The following OPCML variants were observed in gnomAD, a reference collection of about 807,000 sequenced individuals.
OPCML encodes opioid binding protein/cell adhesion molecule like, also known as opioid-binding protein/cell adhesion molecule.
A neutral mutation model predicts 37.8 loss-of-function variants in OPCML; 13 were observed. The ratio of observed to expected loss-of-function variants is 0.34; its 90% CI spans 0.22 to 0.55. OPCML has a LOEUF of 0.55. Among genes scored for constraint, OPCML ranks in the 20% least tolerant of loss-of-function variants. OPCML has a pLI of 0.91. For missense variants in OPCML, 341 were observed against 435.6 expected (o/e 0.78, Z 1.93); for synonymous variants, 176 against 168.8 (o/e 1.04, Z -0.33).
intron 1 of OPCML, among the ~76,000 whole-genome samples, chr11:133,141,106 G>GAAGAAGAAGAAGA (rs1565469422): frequency 7.2e-6 from 1 of 138,442 alleles, no homozygotes; most frequent in African/African-American, 2.6e-5. Flanking sequence ...AGAAGAAGAA[G>GAAGAAGAAGAAGA]CAGCTGAATG....
At chr11:133,416,999 A>G (rs7126452) in intron 1 of OPCML, among the ~76,000 whole-genome samples, 2,275 of 152,248 alleles carry the variant, frequency 0.015, 44 homozygotes, top group African/African-American at 0.052. Context: ...CACAAGATTT[A>G]ATGAGCTTCT....
intron 3 of OPCML, among the ~76,000 whole-genome samples, chr11:132,535,099 T>C (rs1294468479): frequency 2.0e-5 from 3 of 149,424 alleles, no homozygotes; most frequent in Non-Finnish European, 4.4e-5. Context: ...AATAATATAG[T>C]ATAACATTAC....
intron 2 of OPCML, among the ~76,000 whole-genome samples, chr11:132,847,612 T>C (rs1001601811): frequency 2.6e-5 from 4 of 152,222 alleles, no homozygotes; most frequent in Admixed American, 2.0e-4. Context: ...AAGTCATAAT[T>C]GGATCTTCAC....
chr11:132,845,913 A>T (rs944312882), intron 2 of OPCML, among the ~76,000 whole-genome samples: 11 of 152,288 alleles, frequency 7.2e-5, no homozygotes, highest in African/African-American at 2.4e-4. Context: ...TGGCTGGGAT[A>T]CAACGAGGGT....
intron 1 of OPCML, among the ~76,000 whole-genome samples, chr11:133,368,069 C>T (rs1359691422): frequency 1.3e-5 from 2 of 152,144 alleles, no homozygotes; most frequent in Non-Finnish European, 2.9e-5. Context: ...ATATGCCCTG[C>T]CAGGGCTGGT....
At chr11:133,083,367 C>T (rs1484858669) in intron 1 of OPCML, among the ~76,000 whole-genome samples, 1 of 152,166 alleles carries the variant, frequency 6.6e-6, no homozygotes, top group Non-Finnish European at 1.5e-5. Context: ...ACTGCCCCAG[C>T]CTGAGTCCCG....
At position 132,657,230 on chromosome 11, in the gene OPCML, G is replaced by T; in HGVS notation, c.236C>A (p.Pro79His). The T allele has an allele frequency of 1.2e-6, 2 of 1,614,246 alleles. No individual in the cohort carries two copies. Among genetic ancestry groups the T allele is most frequent in the Non-Finnish European group, 1.7e-6 (2 of 1,180,048 alleles). Residue 79 changes from proline to histidine, a missense_variant, in exon 3 of 8, where the codon CCT (proline) becomes CAT (histidine). Pro to His is a moderately conservative substitution (Grantham distance 77). Coordinates refer to ENST00000524381, the MANE Select transcript of OPCML (RefSeq NM_001012393.5). ...YAGNDKWSID[P>H]RVIILVNTPT... ...TGTATTGACCAGGATGATCACACGA[G>T]GGTCTATGGACCACTTGTCATTCCC...
intron 1 of OPCML, among the ~76,000 whole-genome samples, chr11:133,352,694 T>C (rs764679966): frequency 6.6e-6 from 1 of 152,206 alleles, no homozygotes; most frequent in Non-Finnish European, 1.5e-5. Flanking sequence ...ATAAATGAAC[T>C]AATGAACAAA....
chr11:132,841,296 C>T (rs1388898964), intron 2 of OPCML, among the ~76,000 whole-genome samples: 4 of 152,136 alleles, frequency 2.6e-5, no homozygotes, highest in South Asian at 2.1e-4. Context: ...ACTGACCCCC[C>T]GGCCCCCACT....
Position 132,529,155 on chromosome 11 carries a change from G to GGAATATCTCCTCATTCACA in OPCML, c.410_411insTGTGAATGAGGAGATATTC (p.Ile138ValfsTer11). 1 of 1,612,520 alleles carries GGAATATCTCCTCATTCACA rather than the reference G, an allele frequency of 6.2e-7. No homozygotes were observed. The highest frequency in any genetic ancestry group is 1.7e-5 in the Admixed American group (1 of 59,888). On this transcript the variant is annotated frameshift_variant, in exon 4 of 8. Transcript: ENST00000524381. LOFTEE classifies it high-confidence loss of function. The stretch of plus-strand genomic sequence containing the variant: ...CACTGCTTCCCTCATTCACAGTGAT[G>GGAATATCTCCTCATTCACA]TCTGAGGAGATATTCATGATCTGAG...
chr11:132,997,078 C>A (rs11824966), intron 1 of OPCML, among the ~76,000 whole-genome samples: 14 of 152,114 alleles, frequency 9.2e-5, no homozygotes, highest in Admixed American at 3.9e-4. Flanking sequence ...ATTAAAGGAG[C>A]CTTTTACCCC....
chr11:133,125,330 CTT>C (rs1271001115), intron 1 of OPCML, among the ~76,000 whole-genome samples: 1 of 152,122 alleles, frequency 6.6e-6, no homozygotes, highest in Admixed American at 6.5e-5. Context: ...TACCAGAACT[CTT>C]TGTAATTCAG....
intron 2 of OPCML, among the ~76,000 whole-genome samples, chr11:132,774,641 C>G (rs1460021394): frequency 6.6e-6 from 1 of 152,156 alleles, no homozygotes; most frequent in Non-Finnish European, 1.5e-5. Flanking sequence ...AGGTTTATTT[C>G]CAGAAATTAG....
At chr11:132,512,711 T>C (rs895941987) in intron 4 of OPCML, among the ~76,000 whole-genome samples, 2 of 151,826 alleles carry the variant, frequency 1.3e-5, no homozygotes, top group Non-Finnish European at 2.9e-5. Flanking sequence ...AGATTATATA[T>C]ACATATAGAA....
chr11:133,304,668 G>A (rs1342441187), intron 1 of OPCML, among the ~76,000 whole-genome samples: 1 of 152,088 alleles, frequency 6.6e-6, no homozygotes, highest in African/African-American at 2.4e-5. Flanking sequence ...CCAAGCGTCT[G>A]GGCCAAGATG....
At chr11:133,052,949 C>G (rs1361046465) in intron 1 of OPCML, among the ~76,000 whole-genome samples, 1 of 152,222 alleles carries the variant, frequency 6.6e-6, no homozygotes, top group Non-Finnish European at 1.5e-5. Context: ...TTTGAGATAT[C>G]TGAATTAAAC....
At chr11:133,038,376 T>C (rs1489968244) in intron 1 of OPCML, among the ~76,000 whole-genome samples, 2 of 152,212 alleles carry the variant, frequency 1.3e-5, no homozygotes, top group Admixed American at 6.5e-5. Flanking sequence ...GGTTTCTTTA[T>C]CTATAAAATG....
intron 4 of OPCML, among the ~76,000 whole-genome samples, chr11:132,508,461 CA>C (rs35103690): frequency 1.4e-5 from 2 of 142,822 alleles, no homozygotes; most frequent in Non-Finnish European, 3.0e-5. Context: ...CAATGGATGC[CA>C]AAAAAAACAT....
chr11:132,826,423 G>A (rs1046098466), intron 2 of OPCML, among the ~76,000 whole-genome samples: 3 of 152,080 alleles, frequency 2.0e-5, no homozygotes, highest in African/African-American at 7.2e-5. Context: ...AGTTTCCTTT[G>A]AACACAAGTA....
Sources: allele counts gnomAD v4.1 joint callset (sites outside exome capture counted in the v4.1 genomes callset), GRCh38; gene constraint gnomAD v4.1.1; transcripts MANE v1.5; gene names NCBI Gene and HGNC (gene_info 2026-07-23, HGNC 2026-07-21).